SORCS3: variants seen among roughly 807,000 people sequenced by gnomAD.
SORCS3 encodes VPS10 domain-containing receptor SorCS3.
SORCS3 carries 57 observed loss-of-function variants against 146.3 expected under a neutral mutation model. The ratio of observed to expected loss-of-function variants is 0.39; its 90% CI spans 0.31 to 0.49. The LOEUF (loss-of-function observed/expected upper bound fraction) is 0.49, where lower values mean the gene tolerates loss of function less well. Ranked by LOEUF, SORCS3 falls within the 20% of genes least tolerant of loss-of-function variation. The pLI, the probability that SORCS3 is intolerant of heterozygous loss-of-function variation, is 0.92. For missense variants in SORCS3, 1,341 were observed against 1,575.5 expected, an observed-to-expected ratio of 0.85 and a Z score of 2.52; for synonymous variants, 653 against 618.5, an observed-to-expected ratio of 1.06 and a Z score of -0.83.
chr10:105,239,254 C>T (rs1485373114), intron 20 of SORCS3, among the ~76,000 whole-genome samples: 1 of 152,208 alleles, frequency 6.6e-6, no homozygotes, highest in African/African-American at 2.4e-5. Context: ...ATATGATGAG[C>T]ACTTTGCACA....
In SORCS3 at chr10:104,667,863, G is replaced by T. The variant is rs574299331; in HGVS notation, c.627+25909G>T. The stretch of plus-strand genomic sequence containing the variant: ...CTTCACAGGGTTCTAAGAGCTGGGG[G>T]TGCTTTGCCATGGACCTCCTCTGGG... On this transcript the variant is annotated intron_variant, in intron 1 of 26. Coordinates refer to ENST00000369701, the MANE Select transcript of SORCS3 (RefSeq NM_014978.3). Among the ~76,000 whole-genome samples, 5 of 152,330 alleles carry T rather than the reference G, an allele frequency of 3.3e-5. No homozygotes were observed. In the South Asian group the frequency reaches 6.2e-4, roughly 19 times the overall value.
At chr10:105,219,785 C>A (rs2056688172) in intron 19 of SORCS3, among the ~76,000 whole-genome samples, 1 of 152,194 alleles carries the variant, frequency 6.6e-6, no homozygotes, top group African/African-American at 2.4e-5. Context: ...ACTTGCCTCA[C>A]CCACATTTCT....
intron 3 of SORCS3, among the ~76,000 whole-genome samples, chr10:104,961,240 G>A (rs1029200485): frequency 1.3e-5 from 2 of 152,080 alleles, no homozygotes; most frequent in East Asian, 1.9e-4. Flanking sequence ...GATTTAACTC[G>A]TTAGATATTT....
intron 1 of SORCS3, among the ~76,000 whole-genome samples, chr10:104,751,648 CA>C (rs535039916): frequency 2.0e-5 from 3 of 151,976 alleles, no homozygotes; most frequent in Non-Finnish European, 4.4e-5. Context: ...TGTATTCACT[CA>C]GCTGTGAAAT....
At chr10:104,744,809 G>C (rs942453916) in intron 1 of SORCS3, among the ~76,000 whole-genome samples, 2 of 152,202 alleles carry the variant, frequency 1.3e-5, no homozygotes, top group African/African-American at 4.8e-5. Context: ...GCAGGTTGCT[G>C]GTTGGGTGTT....
At position 104,815,448 on chromosome 10, in the gene SORCS3, C is replaced by CAAAAAAAA. The variant is rs5787549; in HGVS notation, c.628-27328_628-27321dup. 3.8e-5 allele frequency among the ~76,000 whole-genome samples: 3 copies of CAAAAAAAA among 79,362 alleles called. 1 individual carries two copies. The highest frequency in any genetic ancestry group is 1.0e-4 in the African/African-American group (2 of 19,344). The allele number at this position is 79,362 out of a possible 152,430, so 52.1% of individuals were successfully genotyped here. A position where few individuals can be genotyped will look rare whatever the true frequency, so the allele number is the denominator to read the frequency against. The stretch of plus-strand genomic sequence containing the variant: ...TAGGTGACAGAGCCAGACCCTGTCT[C>CAAAAAAAA]AAAAAAAAAAAAAAAAAAAAAAAGT... On this transcript the variant is annotated intron_variant, in intron 1 of 26. Transcript: ENST00000369701.
At chr10:105,153,024 G>A (rs772002814) in intron 9 of SORCS3, among the ~76,000 whole-genome samples, 16 of 151,822 alleles carry the variant, frequency 1.1e-4, no homozygotes, top group Non-Finnish European at 2.2e-4. Flanking sequence ...TTTGATTTGT[G>A]CATTCTGGTG....
chr10:104,961,742 A>G (rs1396344021), intron 3 of SORCS3, among the ~76,000 whole-genome samples: 1 of 152,176 alleles, frequency 6.6e-6, no homozygotes, highest in Non-Finnish European at 1.5e-5. Flanking sequence ...GACTGCCCTT[A>G]TTGAGATGAA....
chr10:105,016,146 TATATATA>T (rs1413573823), intron 4 of SORCS3, among the ~76,000 whole-genome samples: 2 of 110,140 alleles, frequency 1.8e-5, no homozygotes, highest in African/African-American at 1.0e-4. Context: ...TATATATATA[TATATATA>T]TATTTTTTTT....
chr10:105,218,941 G>A (rs2056681274), intron 19 of SORCS3, among the ~76,000 whole-genome samples: 1 of 152,150 alleles, frequency 6.6e-6, no homozygotes, highest in South Asian at 2.1e-4. Flanking sequence ...CTTGAACCTG[G>A]GAGGCGGAGG....
chr10:104,910,646 G>A (rs2018957298), intron 2 of SORCS3, among the ~76,000 whole-genome samples: 1 of 152,208 alleles, frequency 6.6e-6, no homozygotes, highest in Admixed American at 6.5e-5. Context: ...TGTTGTTTAT[G>A]CACACAAACA....
At chr10:105,203,465 C>T (rs2119621760) in intron 16 of SORCS3, among the ~76,000 whole-genome samples, 1 of 152,212 alleles carries the variant, frequency 6.6e-6, no homozygotes, top group African/African-American at 2.4e-5. Flanking sequence ...AGACTAACTC[C>T]ATTGAGGCAC....
chr10:105,045,037 A>AAAAAAAAAAAAAAAGAAAGAAAG (rs796179490), intron 5 of SORCS3, among the ~76,000 whole-genome samples: 1 of 128,758 alleles, frequency 7.8e-6, no homozygotes, highest in African/African-American at 2.8e-5. Flanking sequence ...AAAAAAAAAA[A>AAAAAAAAAAAAAAAGAAAGAAAG]AAAAGAAAGA....
At chr10:105,128,829 A>G (rs1363850723) in intron 7 of SORCS3, among the ~76,000 whole-genome samples, 2 of 152,142 alleles carry the variant, frequency 1.3e-5, no homozygotes. Context: ...CAATCTAATC[A>G]TTGTGTTTGT....
chr10:105,083,577 A>C (rs762771492), intron 5 of SORCS3, among the ~76,000 whole-genome samples: 29 of 152,132 alleles, frequency 1.9e-4, no homozygotes, highest in Non-Finnish European at 3.1e-4. Flanking sequence ...CTATCATCAC[A>C]GACCTCAAAA....
At chr10:105,098,684 A>G (rs2055763282) in intron 6 of SORCS3, among the ~76,000 whole-genome samples, 1 of 152,224 alleles carries the variant, frequency 6.6e-6, no homozygotes, top group Non-Finnish European at 1.5e-5. Context: ...TGTTGCAAGA[A>G]TGAAATTAGT....
intron 7 of SORCS3, among the ~76,000 whole-genome samples, chr10:105,115,882 A>G (rs1164004659): frequency 6.6e-6 from 1 of 152,220 alleles, no homozygotes; most frequent in East Asian, 1.9e-4. Context: ...ATAAATAGCA[A>G]TTACATCATT....
At chr10:105,057,660 T>C (rs1297064478) in intron 5 of SORCS3, among the ~76,000 whole-genome samples, 1 of 152,188 alleles carries the variant, frequency 6.6e-6, no homozygotes, top group Non-Finnish European at 1.5e-5. Context: ...TTCATTTACT[T>C]GGTGGCGAAT....
chr10:105,062,735 C>T (rs1465864257), intron 5 of SORCS3, among the ~76,000 whole-genome samples: 1 of 152,228 alleles, frequency 6.6e-6, no homozygotes, highest in Non-Finnish European at 1.5e-5. Context: ...CTCAAAACTT[C>T]ATTCCTTTCT....
Sources: gnomAD v4.1 joint callset for allele counts (sites outside exome capture counted in the v4.1 genomes callset) on GRCh38, gnomAD v4.1.1 for gene constraint, MANE v1.5 for transcripts, NCBI Gene and HGNC (gene_info 2026-07-23, HGNC 2026-07-21) for gene names.